MAGI1: variants seen among roughly 807,000 people sequenced by gnomAD.
MAGI1 encodes membrane-associated guanylate kinase, WW and PDZ domain-containing protein 1.
In MAGI1, 58 loss-of-function variants were observed where a neutral mutation model predicts 139.9. The ratio of observed to expected loss-of-function variants is 0.41; its 90% CI spans 0.34 to 0.52. The LOEUF (loss-of-function observed/expected upper bound fraction) is 0.52, where lower values mean the gene tolerates loss of function less well. MAGI1 is among the 20% of genes least tolerant of loss of function. The pLI is 0.12. For missense variants in MAGI1, 1,874 were observed against 1,901.6 expected (o/e 0.99, Z 0.27); for synonymous variants, 812 against 737.9 (o/e 1.10, Z -1.63).
intron 20 of MAGI1, 136 bp downstream of exon 20, chr3:65,364,529 T>C (rs1941218520): frequency 5.6e-6 from 4 of 719,666 alleles, no homozygotes; most frequent in Middle Eastern, 4.0e-4. Flanking sequence ...AATGTAAGTA[T>C]ACGTTTGGTA....
intron 1 of MAGI1, among the ~76,000 whole-genome samples, chr3:66,004,115 T>C (rs1354407980): frequency 2.0e-5 from 3 of 152,162 alleles, no homozygotes; most frequent in African/African-American, 4.8e-5. Context: ...AAAATCCTGC[T>C]CGGATTTTAT....
chr3:65,466,041 G>A (rs1950151401), intron 5 of MAGI1, among the ~76,000 whole-genome samples: 1 of 151,794 alleles, frequency 6.6e-6, no homozygotes, highest in Admixed American at 6.6e-5. Context: ...TTTTTGTTTT[G>A]GCTACTGTAT....
rs531942843 is a variant in MAGI1 at position 65,566,027 on chromosome 3, G to A, written c.430+55945C>T. On this transcript the variant is annotated intron_variant, in intron 2 of 22. Transcript: ENST00000402939. ...TCCCAGCACTTTGGGAGGCTGAGGCGGGCGGATCACAAGGTCAGGAGTTCG... is the reference window on the plus strand; with the variant it reads ...TCCCAGCACTTTGGGAGGCTGAGGCAGGCGGATCACAAGGTCAGGAGTTCG... Among the ~76,000 whole-genome samples, 127 of 151,930 alleles carry A rather than the reference G, an allele frequency of 8.4e-4. 1 individual carries two copies. Among genetic ancestry groups the A allele is most frequent in the African/African-American group, 2.6e-3 (106 of 41,476 alleles).
chr3:65,488,945 T>A (rs1468195062), intron 3 of MAGI1, among the ~76,000 whole-genome samples: 1 of 152,156 alleles, frequency 6.6e-6, no homozygotes, highest in Non-Finnish European at 1.5e-5. Context: ...AGTGCTGGGA[T>A]TACAGGTATC....
intron 12 of MAGI1, among the ~76,000 whole-genome samples, chr3:65,413,704 G>A (rs1372085032): frequency 1.3e-5 from 2 of 152,100 alleles, no homozygotes; most frequent in African/African-American, 4.8e-5. Flanking sequence ...TTCAGGTTTC[G>A]GTGAGGCAGT....
chr3:65,842,742 T>C (rs865944721), intron 1 of MAGI1, among the ~76,000 whole-genome samples: 1 of 152,188 alleles, frequency 6.6e-6, no homozygotes, highest in Non-Finnish European at 1.5e-5. Context: ...CTATAATTTG[T>C]TCCTTCCTTT....
In MAGI1 at chr3:65,356,519, G is replaced by C; in HGVS notation, c.4248C>G (p.Asp1416Glu). Residue 1416 changes from aspartate (D) to glutamate (E), a missense_variant, in exon 23 of 23, where the codon GAC (aspartate) becomes GAG (glutamate). This residue lies in a region of MAGI1 where 653 missense variants were observed against 644.5 expected (regional missense o/e 1.01). Coordinates refer to ENST00000402939, the MANE Select transcript of MAGI1 (RefSeq NM_001033057.2). Reference protein sequence around the residue: ...SPERRRERSLDKRNREDRASH... With the variant: ...SPERRRERSLEKRNREDRASH... ...TGGCTCTGTCCTCTCTGTTCCTTTT[G>C]TCCAGGGACCGCTCTCTCCTGCGCT... 1 of 1,610,900 alleles carries C rather than the reference G, an allele frequency of 6.2e-7. No individual in the cohort carries two copies. The highest frequency in any genetic ancestry group is 8.5e-7 in the Non-Finnish European group (1 of 1,179,944).
chr3:65,484,733 A>C, intron 3 of MAGI1, among the ~76,000 whole-genome samples: 1 of 150,012 alleles, frequency 6.7e-6, no homozygotes, highest in Non-Finnish European at 1.5e-5. Flanking sequence ...TCTTGCACCC[A>C]CTCCTCCCTC....
At chr3:65,471,743 T>A (rs1950572505) in intron 4 of MAGI1, among the ~76,000 whole-genome samples, 1 of 151,932 alleles carries the variant, frequency 6.6e-6, no homozygotes, top group African/African-American at 2.4e-5. Flanking sequence ...TTTGTCTTTG[T>A]TATTAGGTCA....
chr3:65,440,906 A>G (rs61239851), intron 8 of MAGI1, among the ~76,000 whole-genome samples: 96,834 of 139,208 alleles, frequency 0.7, 32,051 homozygotes, highest in East Asian at 0.94. Flanking sequence ...ATATGTGTGT[A>G]TATATATATA....
chr3:65,373,887 G>A (rs1052536424), intron 18 of MAGI1, among the ~76,000 whole-genome samples: 1 of 152,156 alleles, frequency 6.6e-6, no homozygotes, highest in Non-Finnish European at 1.5e-5. Context: ...TGCAGAGAAA[G>A]TTCTCTGTTC....
intron 18 of MAGI1, 39 bp downstream of exon 18, chr3:65,375,704 GAA>G (rs757696019): frequency 2.9e-6 from 4 of 1,372,088 alleles, no homozygotes; most frequent in African/African-American, 3.1e-5. Context: ...CAGAGAGAGA[GAA>G]AAAGAGAGAG....
At chr3:65,366,632 A>T (rs187857693) in intron 18 of MAGI1, among the ~76,000 whole-genome samples, 17 of 152,252 alleles carry the variant, frequency 1.1e-4, no homozygotes, top group Admixed American at 9.2e-4. Flanking sequence ...CCTGGATGGG[A>T]CTTAAGCAAA....
chr3:65,609,096 G>C (rs12715596), intron 2 of MAGI1, among the ~76,000 whole-genome samples: 1 of 152,028 alleles, frequency 6.6e-6, no homozygotes, highest in East Asian at 1.9e-4. Flanking sequence ...GAAGGGAAGC[G>C]TTCAATAAGA....
intron 4 of MAGI1, among the ~76,000 whole-genome samples, chr3:65,474,698 A>T (rs927103269): frequency 6.6e-6 from 1 of 152,140 alleles, no homozygotes; most frequent in Non-Finnish European, 1.5e-5. Context: ...AAGTCAAAGA[A>T]GATTTCTGAA....
intron 1 of MAGI1, among the ~76,000 whole-genome samples, chr3:65,706,182 AT>A (rs2030247646): frequency 1.3e-5 from 2 of 152,220 alleles, no homozygotes; most frequent in Admixed American, 1.3e-4. Flanking sequence ...GCTAGTTTAA[AT>A]TTCATTTTGC....
At chr3:65,903,009 G>A (rs2061297376) in intron 1 of MAGI1, among the ~76,000 whole-genome samples, 1 of 152,020 alleles carries the variant, frequency 6.6e-6, no homozygotes, top group African/African-American at 2.4e-5. Flanking sequence ...GGAGTGGTGG[G>A]GAGAGGTATA....
chr3:65,413,963 C>A (rs940140540), intron 12 of MAGI1, among the ~76,000 whole-genome samples: 4 of 152,048 alleles, frequency 2.6e-5, no homozygotes, highest in Admixed American at 6.5e-5. Context: ...ACAATGGAAA[C>A]GAAATACATG....
At chr3:65,397,802 T>C (rs1944514030) in intron 13 of MAGI1, among the ~76,000 whole-genome samples, 1 of 152,198 alleles carries the variant, frequency 6.6e-6, no homozygotes, top group Non-Finnish European at 1.5e-5. Context: ...GCTTTATTAA[T>C]GCTCATCACA....
Sources: gnomAD v4.1 joint callset for allele counts (sites outside exome capture counted in the v4.1 genomes callset) on GRCh38, gnomAD v4.1.1 for gene constraint, gnomAD v4.1.1 regional missense constraint, MANE v1.5 for transcripts, NCBI Gene and HGNC (gene_info 2026-07-23, HGNC 2026-07-21) for gene names.